Variants in P2RX4 observed in about 807,000 individuals in gnomAD.
The protein encoded by P2RX4 is purinergic receptor P2X 4.
Under a neutral mutation model 48.0 loss-of-function variants are expected in P2RX4, and 37 were observed. The ratio of observed to expected loss-of-function variants is 0.77; its 90% CI spans 0.59 to 1.01. The LOEUF (loss-of-function observed/expected upper bound fraction) is 1.01. Ranked by LOEUF, P2RX4 falls within the 50% of genes least tolerant of loss-of-function variation. The pLI is 0.00. For synonymous variants in P2RX4, 200 were observed against 199.7 expected, an observed-to-expected ratio of 1.00 and a Z score of -0.01; for missense variants, 501 against 521.4, an observed-to-expected ratio of 0.96 and a Z score of 0.38.
intron 1 of P2RX4, 110 bp from the exon 2 acceptor site, chr12:121,217,024 A>G (rs756218370): frequency 2.8e-6 from 3 of 1,089,592 alleles, no homozygotes; most frequent in Non-Finnish European, 2.8e-6. Context: ...GTAGAAAGTC[A>G]TGTAATTAGT....
chr12:121,231,424 C>T (rs754274673), intron 8 of P2RX4, among the ~76,000 whole-genome samples: 3 of 152,176 alleles, frequency 2.0e-5, no homozygotes, highest in Non-Finnish European at 2.9e-5. Flanking sequence ...AGAACATTTC[C>T]GTCATCTCAA....
intron 2 of P2RX4, among the ~76,000 whole-genome samples, chr12:121,219,320 G>A (rs1886426723): frequency 6.6e-6 from 1 of 152,172 alleles, no homozygotes; most frequent in Non-Finnish European, 1.5e-5. Context: ...CGTGGGGTTG[G>A]GGATGTCTAC....
intron 5 of P2RX4, among the ~76,000 whole-genome samples, 178 bp from the exon 6 acceptor site, chr12:121,228,355 G>A (rs1887102659): frequency 8.1e-6 from 1 of 123,268 alleles, no homozygotes; most frequent in Non-Finnish European, 1.6e-5. Flanking sequence ...AGGTGACAGA[G>A]TGACTCCATC....
intron 5 of P2RX4, among the ~76,000 whole-genome samples, chr12:121,227,803 T>C (rs185653839): frequency 2.1e-4 from 32 of 151,740 alleles, no homozygotes; most frequent in African/African-American, 7.3e-4. Flanking sequence ...AAATATTACA[T>C]AGGGGCTGAA....
intron 8 of P2RX4, among the ~76,000 whole-genome samples, chr12:121,231,144 C>G (rs913824465): frequency 5.5e-4 from 83 of 151,972 alleles, no homozygotes; most frequent in Middle Eastern, 3.4e-3. Flanking sequence ...CCCGCCACCA[C>G]ACCCAGCTAA....
chr12:121,221,149 CGTGT>C (rs1379314722), intron 2 of P2RX4, among the ~76,000 whole-genome samples: 2 of 125,186 alleles, frequency 1.6e-5, no homozygotes, highest in Non-Finnish European at 1.7e-5. Flanking sequence ...TTTGTGTGTG[CGTGT>C]GTCTGTGTGT....
At position 121,229,599 on chromosome 12, in the gene P2RX4, C is replaced by T. The variant is rs1010924577; in HGVS notation, c.884+500C>T. Among the ~76,000 whole-genome samples the T allele has an allele frequency of 1.3e-5, 2 of 152,184 alleles. No homozygotes were observed. Among genetic ancestry groups the T allele is most frequent in the Admixed American group, 1.3e-4 (2 of 15,278 alleles). ...CTGCAAATGCTGGCATCTCGGTGTC[C>T]TGGGGCAGATGTAAGCGAGTCCCAC... On this transcript the variant is annotated intron_variant, in intron 8 of 11. Coordinates refer to ENST00000337233, the MANE Select transcript of P2RX4 (RefSeq NM_002560.3). This position sits in a 1 kb window ranked among gnomAD's most constrained non-coding sequence, Gnocchi z 4.6.
At chr12:121,217,737 G>A (rs1259304984) in intron 2 of P2RX4, among the ~76,000 whole-genome samples, 1 of 147,764 alleles carries the variant, frequency 6.8e-6, no homozygotes, top group Non-Finnish European at 1.5e-5. Flanking sequence ...ACCAGCCTGG[G>A]CAATGTGGTG....
intron 5 of P2RX4, among the ~76,000 whole-genome samples, chr12:121,223,669 C>T (rs1886792581): frequency 6.6e-6 from 1 of 152,210 alleles, no homozygotes; most frequent in Non-Finnish European, 1.5e-5. Flanking sequence ...GTGCCTTAAG[C>T]ACATGTGCAC....
At chr12:121,224,978 G>C (rs1445685831) in intron 5 of P2RX4, among the ~76,000 whole-genome samples, 3 of 152,214 alleles carry the variant, frequency 2.0e-5, no homozygotes, top group Admixed American at 2.0e-4. Flanking sequence ...CAACACAGGA[G>C]ACTCTGGCCA....
Position 121,210,270 on chromosome 12 carries a change from C to T in P2RX4, c.106C>T (p.Gln36Ter). The change falls in exon 1 of 12, where the codon CAA becomes TAA. Residue 36 changes from glutamine to a stop codon, truncating the protein, a stop_gained. Coordinates refer to ENST00000337233, the MANE Select transcript of P2RX4 (RefSeq NM_002560.3). LOFTEE classifies it high-confidence loss of function. ...AGTGGGGCTCATGAACCGCGCCGTG[C>T]AACTGCTCATCCTGGCCTACGTCAT... is the stretch of plus-strand genomic sequence containing the variant. Reference protein sequence around the residue: ...RKVGLMNRAVQLLILAYVIGW... With the variant: ...RKVGLMNRAV The T allele has an allele frequency of 6.4e-7, 1 of 1,555,900 alleles. No individual in the cohort carries two copies. The highest frequency in any genetic ancestry group is 8.7e-7 in the Non-Finnish European group (1 of 1,155,744).
At chr12:121,221,839 A>G in intron 2 of P2RX4, 74 bp from the exon 3 acceptor site, 1 of 1,245,990 alleles carries the variant, frequency 8.0e-7, no homozygotes, top group Admixed American at 1.7e-5. Context: ...TGTCCTCTTC[A>G]GTCAGCGTCT....
At chr12:121,213,229 C>T (rs756731822) in intron 1 of P2RX4, 1 of 152,038 alleles carries the variant, frequency 6.6e-6, no homozygotes, top group Non-Finnish European at 1.5e-5. Context: ...GAGTTTGAGA[C>T]AAACCTGGGC....
Position 121,229,096 on chromosome 12 carries a change from T to G in P2RX4, c.881T>G (p.Phe294Cys). The G allele has an allele frequency of 6.2e-7, 1 of 1,614,034 alleles. No homozygotes were observed. The highest frequency in any genetic ancestry group is 8.5e-7 in the Non-Finnish European group (1 of 1,179,992). The change falls in exon 8 of 12, where the codon TTC (phenylalanine) becomes TGC (cysteine). Residue 294 changes from phenylalanine to cysteine, a missense_variant. By Grantham distance (205) the Phe-to-Cys change is radical (BLOSUM62 -2). This residue lies in a region of P2RX4 where 197 missense variants were observed against 219.5 expected (regional missense o/e 0.90). Transcript: ENST00000337233. The surrounding 1 kb of genome is among the most constrained non-coding windows in gnomAD (Gnocchi z 4.6). Reference sequence around the variant, plus strand: ...CACAACGTATCTCCTGGCTACAATTTCAGGTGGGCGTGAGCTTGGGCCCCT... The same window carrying G: ...CACAACGTATCTCCTGGCTACAATTGCAGGTGGGCGTGAGCTTGGGCCCCT... ...VEHNVSPGYNFRFAKYYRDLA... is the reference protein window; with the variant it reads ...VEHNVSPGYNCRFAKYYRDLA...
At chr12:121,215,681 T>G (rs1886183881) in intron 1 of P2RX4, 1 of 152,198 alleles carries the variant, frequency 6.6e-6, no homozygotes, top group East Asian at 1.9e-4. Flanking sequence ...TTTGTCCATC[T>G]TGCTATAATC....
Position 121,223,003 on chromosome 12 carries a change from G to A in P2RX4, c.484G>A (p.Ala162Thr). 6.2e-7 allele frequency: 1 copy of A among 1,613,606 alleles called. No individual in the cohort carries two copies. The highest frequency in any genetic ancestry group is 8.5e-7 in the Non-Finnish European group (1 of 1,179,542). Residue 162 changes from alanine to threonine, a missense_variant, in exon 5 of 12, where the codon GCG becomes ACG. Coordinates refer to ENST00000337233, the MANE Select transcript of P2RX4 (RefSeq NM_002560.3). ...FNGSVKTCEV[A>T]AWCPVEDDTH... ...CGGGTCTGTCAAGACGTGTGAGGTG[G>A]CGGCCTGGTGCCCGGTGGAGGATGA...
chr12:121,230,872 A>G (rs1009252873), intron 8 of P2RX4, among the ~76,000 whole-genome samples: 1 of 151,870 alleles, frequency 6.6e-6, no homozygotes, highest in Non-Finnish European at 1.5e-5. Context: ...TCCCCTGCTC[A>G]TGCGTGTGCG....
chr12:121,211,067 C>G (rs2686387), intron 1 of P2RX4, among the ~76,000 whole-genome samples: 50,038 of 152,006 alleles, frequency 0.33, 8,513 homozygotes, highest in South Asian at 0.4. Context: ...GTTTTCTGGG[C>G]TTGTGGGGCT....
At position 121,228,838 on chromosome 12, in the gene P2RX4, G is replaced by A. The variant is rs141679606; in HGVS notation, c.719G>A (p.Gly240Glu). ...CTTGGCAAAATAGTGGAGAACGCAG[G>A]ACACAGTTTCCAGGACATGGCCGTG... Reference protein sequence around the residue: ...FRLGKIVENAGHSFQDMAVEG... With the variant: ...FRLGKIVENAEHSFQDMAVEG... Residue 240 changes from glycine (G) to glutamate (E), a missense_variant, in exon 7 of 12, where the codon GGA (glycine) becomes GAA (glutamate). Physicochemically the swap from Gly to Glu is moderately conservative, Grantham distance 98. Around this residue, in one of 3 missense-constraint regions of P2RX4, gnomAD observed 197 missense variants for 219.5 expected, o/e 0.90. Coordinates refer to ENST00000337233, the MANE Select transcript of P2RX4 (RefSeq NM_002560.3). 253 of 1,614,174 alleles carry A rather than the reference G, an allele frequency of 1.6e-4. 1 individual carries two copies. In the African/African-American group the frequency reaches 3.2e-3, roughly 20 times the overall value.
Sources: gnomAD v4.1 joint callset for allele counts (sites outside exome capture counted in the v4.1 genomes callset) on GRCh38, gnomAD v4.1.1 for gene constraint, gnomAD v4.1.1 regional missense constraint, Gnocchi (gnomAD v3.1) non-coding constraint, MANE v1.5 for transcripts, NCBI Gene and HGNC (gene_info 2026-07-23, HGNC 2026-07-21) for gene names.